EFHB: variants seen among roughly 807,000 people sequenced by gnomAD.
EFHB encodes EF-hand domain-containing family member B.
EFHB carries 91 observed loss-of-function variants against 87.2 expected under a neutral mutation model. The observed-to-expected ratio is 1.04, with a 90% CI of 0.88 to 1.24. EFHB has a LOEUF of 1.24. Ranked by LOEUF, EFHB falls within the 50% of genes most tolerant of loss-of-function variation. The pLI, the probability that EFHB is intolerant of heterozygous loss-of-function variation, is 0.00. For synonymous variants in EFHB, 325 were observed against 333.6 expected, an observed-to-expected ratio of 0.97 and a Z score of 0.28; for missense variants, 1,084 against 998.8, an observed-to-expected ratio of 1.09 and a Z score of -1.15.
chr3:19,919,995 G>A lies in EFHB; in HGVS notation c.853-19C>T, dbSNP rs77373915. 4 of 1,612,994 alleles carry A rather than the reference G, an allele frequency of 2.5e-6. No homozygotes were observed. Among genetic ancestry groups the A allele is most frequent in the African/African-American group, 2.7e-5 (2 of 74,982 alleles). On this transcript the variant is annotated intron_variant, in intron 2 of 12. Transcript: ENST00000295824. The stretch of plus-strand genomic sequence containing the variant: ...TAATTAGCTACAAAGAGTGAGGCAA[G>A]AAAATAGTATTAAGTACAGTTTCTA...
rs766375596 is a variant in EFHB at position 19,933,265 on chromosome 3, C to A, written c.754G>T (p.Gly252Trp). ...CAAGGGGTCCGATCAAAAAACTTCC[C>A]AGAGTATATGGGTCTGATGCGATCT... ...PPDRIRPIYS[G>W]KFFDRTPCWP... The change falls in exon 1 of 13, where the codon GGG (glycine) becomes TGG (tryptophan). Residue 252 changes from glycine (G) to tryptophan (W), a missense_variant. By Grantham distance (184) the Gly-to-Trp change is radical. Coordinates refer to ENST00000295824, the MANE Select transcript of EFHB (RefSeq NM_144715.4). The A allele has an allele frequency of 3.7e-6, 6 of 1,613,660 alleles. No individual in the cohort carries two copies. The highest frequency in any genetic ancestry group is 5.1e-6 in the Non-Finnish European group (6 of 1,179,716).
intron 1 of EFHB, chr3:19,941,093 T>G (rs547106133): frequency 8.0e-6 from 3 of 376,168 alleles, no homozygotes; most frequent in Non-Finnish European, 4.9e-6. Flanking sequence ...TTAGGGCTGA[T>G]GCTCTTATTC....
chr3:19,897,927 A>G (rs577797027), intron 8 of EFHB, among the ~76,000 whole-genome samples: 3 of 152,330 alleles, frequency 2.0e-5, no homozygotes, highest in East Asian at 3.9e-4. Flanking sequence ...ACTTTAGCCA[A>G]AACATTTTTC....
rs536065207 is a variant in EFHB at position 19,906,692 on chromosome 3, G to C, written c.1289-943C>G. 3.2e-5 allele frequency among the ~76,000 whole-genome samples: 3 copies of C among 95,166 alleles called. No individual in the cohort carries two copies. The South Asian group carries it at 9.9e-4, about 31-fold the overall frequency. 62.4% of individuals were successfully genotyped at this position (95,166 alleles called of 152,430 possible). On this transcript the variant is annotated intron_variant, in intron 5 of 12. Transcript: ENST00000295824. ...CAAAATTCCAATAGCATTCTTCACA[G>C]AAATAGAAAAAAAAAAATCTTAAAA...
chr3:19,886,674 C>T lies in EFHB; in HGVS notation c.1933+1770G>A, dbSNP rs531389498. 1.0e-4 allele frequency among the ~76,000 whole-genome samples: 4 copies of T among 38,650 alleles called. No individual in the cohort carries two copies. In the East Asian group the frequency reaches 2.2e-3, roughly 21 times the overall value. The allele number at this position is 38,650 out of a possible 152,430, so 25.4% of individuals were successfully genotyped here. ...CTGGGCAAACAGAGTGAGACACTGT[C>T]TCAAAAAAAAAAAAAAAAAAAAAAA... On this transcript the variant is annotated intron_variant, in intron 10 of 12. Coordinates refer to ENST00000295824, the MANE Select transcript of EFHB (RefSeq NM_144715.4).
chr3:19,918,762 G>T (rs537270937), intron 3 of EFHB, among the ~76,000 whole-genome samples: 4 of 151,468 alleles, frequency 2.6e-5, no homozygotes, highest in African/African-American at 7.3e-5. Context: ...ATCACCTGAG[G>T]TCTGGAGTTT....
chr3:19,929,197 TTTTTTTTAAC>T (rs1244680274), intron 1 of EFHB, among the ~76,000 whole-genome samples: 1 of 127,416 alleles, frequency 7.8e-6, no homozygotes, highest in Admixed American at 8.2e-5. Flanking sequence ...TAAAAAGACT[TTTTTTTTAAC>T]TTTTTTTTTT....
intron 5 of EFHB, among the ~76,000 whole-genome samples, chr3:19,913,184 T>C (rs1013361365): frequency 2.6e-5 from 4 of 152,164 alleles, no homozygotes; most frequent in East Asian, 1.9e-4. Context: ...TCCTTCATAC[T>C]GGAAGTCCAA....
At chr3:19,908,562 A>AAGAGAGAGAG (rs71624361) in intron 5 of EFHB, among the ~76,000 whole-genome samples, 24 of 83,896 alleles carry the variant, frequency 2.9e-4, no homozygotes, top group African/African-American at 8.3e-4. Flanking sequence ...GAAAGAGAGA[A>AAGAGAGAGAG]AGAGAGAGAG....
upstream of EFHB, chr3:19,936,099 A>AT: frequency 3.0e-6 from 4 of 1,323,134 alleles, no homozygotes; most frequent in East Asian, 2.9e-5. Flanking sequence ...ATCCAAAAAT[A>AT]TTTTTTTAAA....
chr3:19,936,390 C>T (rs1696022593), upstream of EFHB: 1 of 505,108 alleles, frequency 2.0e-6, no homozygotes, highest in Admixed American at 3.5e-5. Flanking sequence ...ACAGTGAGAC[C>T]TATCCCTACA....
Position 19,933,282 on chromosome 3 carries a change from A to T in EFHB, c.737T>A (p.Ile246Asn), listed in dbSNP as rs1695893181. 6.2e-7 allele frequency: 1 copy of T among 1,613,986 alleles called. No individual in the cohort carries two copies. The highest frequency in any genetic ancestry group is 8.5e-7 in the Non-Finnish European group (1 of 1,179,880). ...IESGVEPPDR[I>N]RPIYSGKFFD... ...AAACTTCCCAGAGTATATGGGTCTG[A>T]TGCGATCTGGAGGTTCCACTCCTGA... The change falls in exon 1 of 13, where the codon ATC (isoleucine) becomes AAC (asparagine). Residue 246 changes from isoleucine to asparagine, a missense_variant. Transcript: ENST00000295824.
intron 8 of EFHB, 113 bp downstream of exon 8, chr3:19,898,665 C>A: frequency 2.8e-6 from 3 of 1,065,822 alleles, no homozygotes; most frequent in Non-Finnish European, 1.4e-6. Context: ...CATTTTAAGT[C>A]TTTAAAATTA....
rs571877540 is a variant in EFHB at position 19,906,606 on chromosome 3, T to C, written c.1289-857A>G. 7.8e-4 allele frequency among the ~76,000 whole-genome samples: 119 copies of C among 152,172 alleles called. 1 individual carries two copies. Among genetic ancestry groups the C allele is most frequent in the African/African-American group, 2.8e-3 (116 of 41,546 alleles). The stretch of plus-strand genomic sequence containing the variant: ...ATTCCATGCTCATTGATCAGAATAA[T>C]TAATTTTCTTAAAATGTTCATACTA... On this transcript the variant is annotated intron_variant, in intron 5 of 12. Coordinates refer to ENST00000295824, the MANE Select transcript of EFHB (RefSeq NM_144715.4).
chr3:19,923,095 G>A (rs916037228), intron 1 of EFHB, among the ~76,000 whole-genome samples: 9 of 151,794 alleles, frequency 5.9e-5, no homozygotes, highest in Non-Finnish European at 1.0e-4. Context: ...ATGAAACCCC[G>A]TTGCTACAAA....
chr3:19,921,775 T>G (rs1396149784), intron 1 of EFHB, among the ~76,000 whole-genome samples: 1 of 151,632 alleles, frequency 6.6e-6, no homozygotes, highest in Admixed American at 6.6e-5. Flanking sequence ...ATAGTGAGAT[T>G]TTTTTTAATT....
At chr3:19,934,307 C>G, upstream of EFHB, 1 of 1,291,902 alleles carries the variant, frequency 7.7e-7, no homozygotes, top group South Asian at 1.9e-5. Context: ...TCTTCTCTCT[C>G]TCTCTCTCAA....
chr3:19,888,346 G>T, intron 10 of EFHB, 98 bp downstream of exon 10: 1 of 623,242 alleles, frequency 1.6e-6, no homozygotes, highest in Non-Finnish European at 2.2e-6. Flanking sequence ...GGACCAGCCT[G>T]GGCAACATAG....
At chr3:19,922,503 T>C (rs1228165768) in intron 1 of EFHB, among the ~76,000 whole-genome samples, 1 of 152,146 alleles carries the variant, frequency 6.6e-6, no homozygotes, top group Non-Finnish European at 1.5e-5. Flanking sequence ...AGCGGGGCAT[T>C]AATAGGAGCA....
Sources: gnomAD v4.1 joint callset for allele counts (sites outside exome capture counted in the v4.1 genomes callset) on GRCh38, gnomAD v4.1.1 for gene constraint, MANE v1.5 for transcripts, NCBI Gene and HGNC (gene_info 2026-07-23, HGNC 2026-07-21) for gene names.